The following SENP7 variants were observed in gnomAD, a reference collection of about 807,000 sequenced individuals.
SENP7 encodes the protein sentrin-specific protease 7.
In SENP7, 64 loss-of-function variants were observed where a neutral mutation model predicts 141.2. The ratio of observed to expected loss-of-function variants is 0.45; its 90% CI spans 0.37 to 0.56. SENP7 has a LOEUF of 0.56. Ranked by LOEUF, SENP7 falls within the 20% of genes least tolerant of loss-of-function variation. The pLI is 0.00. For synonymous variants in SENP7, 382 were observed against 426.4 expected (o/e 0.90, Z 1.28); for missense variants, 1,025 against 1,212.2 (o/e 0.85, Z 2.29).
intron 4 of SENP7, among the ~76,000 whole-genome samples, chr3:101,442,872 A>G (rs2062734520): frequency 6.6e-6 from 1 of 152,222 alleles, no homozygotes; most frequent in South Asian, 2.1e-4. Context: ...AATAAAGCCA[A>G]CAGGACACAT....
At position 101,447,318 on chromosome 3, in the gene SENP7, C is replaced by G. The variant is rs184588367; in HGVS notation, c.284+11637G>C. ...ATTGGCCAAGCGTGGTGGCATGCAC[C>G]GGTGGTCCCAGAGACTTGGAGGCTG... On this transcript the variant is annotated intron_variant, in intron 4 of 23. Transcript: ENST00000394095. Among the ~76,000 whole-genome samples, 135 of 152,100 alleles carry G rather than the reference C, an allele frequency of 8.9e-4. No individual in the cohort carries two copies. In the Middle Eastern group the frequency reaches 0.014, roughly 15 times the overall value.
At chr3:101,375,049 C>T (rs2060281865) in intron 6 of SENP7, among the ~76,000 whole-genome samples, 2 of 151,912 alleles carry the variant, frequency 1.3e-5, no homozygotes, top group Admixed American at 1.3e-4. Context: ...CAAGCCCAAA[C>T]AACAATATAC....
rs1553705938 is a variant in SENP7 at position 101,375,542 on chromosome 3, C to CAAAAAAAAAAAAAAAAAAAAAAAAAAAAA, written c.678-3417_678-3416insTTTTTTTTTTTTTTTTTTTTTTTTTTTTT. Reference sequence around the variant, plus strand: ...GGGCAACAAGAGCGAAATTCCATCTCCAAAAAAAAAAAAAAAAAAAAAAAA... The same window carrying CAAAAAAAAAAAAAAAAAAAAAAAAAAAAA: ...GGGCAACAAGAGCGAAATTCCATCTCAAAAAAAAAAAAAAAAAAAAAAAAAAAAACAAAAAAAAAAAAAAAAAAAAAAAA... On this transcript the variant is annotated intron_variant, in intron 6 of 23. Coordinates refer to ENST00000394095, the MANE Select transcript of SENP7 (RefSeq NM_020654.5). 7.8e-5 allele frequency among the ~76,000 whole-genome samples: 2 copies of CAAAAAAAAAAAAAAAAAAAAAAAAAAAAA among 25,510 alleles called. 1 individual carries two copies. The allele number at this position is 25,510 out of a possible 152,430, so 16.7% of individuals were successfully genotyped here.
chr3:101,512,737 C>T (rs890127313), intron 1 of SENP7, among the ~76,000 whole-genome samples: 16 of 151,948 alleles, frequency 1.1e-4, no homozygotes, highest in African/African-American at 1.7e-4. Flanking sequence ...GCTGAGAAGC[C>T]GAAATGAAAT....
At chr3:101,438,919 A>C (rs1427605828) in intron 4 of SENP7, among the ~76,000 whole-genome samples, 1 of 143,852 alleles carries the variant, frequency 7.0e-6, no homozygotes, top group Non-Finnish European at 1.5e-5. Flanking sequence ...TTGGCCTCCC[A>C]AAGTGCCGAG....
At chr3:101,493,051 G>A (rs1340519704) in intron 3 of SENP7, among the ~76,000 whole-genome samples, 1 of 152,146 alleles carries the variant, frequency 6.6e-6, no homozygotes, top group East Asian at 1.9e-4. Context: ...ATACACCACA[G>A]AATACTATGC....
chr3:101,453,608 T>G (rs1004338325), intron 4 of SENP7, among the ~76,000 whole-genome samples: 13 of 151,044 alleles, frequency 8.6e-5, no homozygotes, highest in African/African-American at 2.7e-4. Flanking sequence ...CAGTAAACTA[T>G]CGCAAGGACA....
chr3:101,513,115 G>C lies in SENP7; in HGVS notation c.16C>G (p.Leu6Val). MDKRK[L>V]GRRPSSSEII... Reference sequence around the variant, plus strand: ...CCGGATGAAGATGGCCGTCGCCCGAGCTTTCTCTTGTCCATCTTCTCCCGC... The same window carrying C: ...CCGGATGAAGATGGCCGTCGCCCGACCTTTCTCTTGTCCATCTTCTCCCGC... Residue 6 changes from leucine (L) to valine (V), a missense_variant, in exon 1 of 24, where the codon CTC (leucine) becomes GTC (valine). By Grantham distance (32) the Leu-to-Val change is conservative (BLOSUM62 1). Around this residue, in one of 4 missense-constraint regions of SENP7, gnomAD observed 496 missense variants for 503.5 expected, o/e 0.99. Transcript: ENST00000394095. The C allele has an allele frequency of 1.2e-6, 2 of 1,602,266 alleles. No homozygotes were observed. The highest frequency in any genetic ancestry group is 8.5e-7 in the Non-Finnish European group (1 of 1,174,098).
chr3:101,441,065 C>G (rs776486389), intron 4 of SENP7, among the ~76,000 whole-genome samples: 1 of 152,076 alleles, frequency 6.6e-6, no homozygotes, highest in South Asian at 2.1e-4. Context: ...CATCCAGGTG[C>G]CTAAAGACAA....
chr3:101,505,051 C>A (rs548812869), intron 1 of SENP7, among the ~76,000 whole-genome samples: 1 of 150,644 alleles, frequency 6.6e-6, no homozygotes, highest in African/African-American at 2.5e-5. Flanking sequence ...GACGACAGAG[C>A]GAAACCATTT....
rs141371097 is a variant in SENP7 at position 101,374,274 on chromosome 3, A to G, written c.678-2148T>C. 9.8e-5 allele frequency among the ~76,000 whole-genome samples: 15 copies of G among 152,324 alleles called. No individual in the cohort carries two copies. In the East Asian group the frequency reaches 2.9e-3, roughly 29 times the overall value. Reference sequence around the variant, plus strand: ...CATATGCAAAAGGAAGAAGTTGGACAGTTATCTAACACCATCTACAAAAAT... The same window carrying G: ...CATATGCAAAAGGAAGAAGTTGGACGGTTATCTAACACCATCTACAAAAAT... On this transcript the variant is annotated intron_variant, in intron 6 of 23. Coordinates refer to ENST00000394095, the MANE Select transcript of SENP7 (RefSeq NM_020654.5).
At chr3:101,386,339 C>G (rs1007844273) in intron 6 of SENP7, among the ~76,000 whole-genome samples, 1 of 152,122 alleles carries the variant, frequency 6.6e-6, no homozygotes, top group Non-Finnish European at 1.5e-5. Context: ...TCTTGTAATC[C>G]TAGGTAAAGG....
intron 2 of SENP7, among the ~76,000 whole-genome samples, chr3:101,496,306 T>C (rs900531822): frequency 6.6e-6 from 1 of 152,174 alleles, no homozygotes; most frequent in Non-Finnish European, 1.5e-5. Context: ...CCTAGGCTGG[T>C]GTGTAGTGAC....
intron 8 of SENP7, among the ~76,000 whole-genome samples, chr3:101,367,390 A>C (rs1461055953): frequency 6.6e-6 from 1 of 152,084 alleles, no homozygotes; most frequent in African/African-American, 2.4e-5. Context: ...ACTTAGAATA[A>C]ATTCCCTAAA....
intron 4 of SENP7, among the ~76,000 whole-genome samples, chr3:101,447,419 G>A (rs930106008): frequency 2.0e-5 from 3 of 151,954 alleles, no homozygotes; most frequent in African/African-American, 7.3e-5. Flanking sequence ...TCCAGTCCAC[G>A]CAACAGAACA....
intron 17 of SENP7, chr3:101,337,258 GC>G: frequency 4.0e-6 from 1 of 248,806 alleles, no homozygotes; most frequent in Non-Finnish European, 7.7e-6. Context: ...TTTCTTCCTT[GC>G]CCTCCAACTT....
At chr3:101,450,361 A>C (rs2063079767) in intron 4 of SENP7, among the ~76,000 whole-genome samples, 1 of 152,200 alleles carries the variant, frequency 6.6e-6, no homozygotes, top group Non-Finnish European at 1.5e-5. Context: ...CACCAAGCAG[A>C]CCTAATAGAC....
chr3:101,513,138 C>G lies in SENP7; in HGVS notation c.-8G>C. 1 of 1,607,554 alleles carries G rather than the reference C, an allele frequency of 6.2e-7. No homozygotes were observed. Among genetic ancestry groups the G allele is most frequent in the Non-Finnish European group, 8.5e-7 (1 of 1,176,994 alleles). ...GAGCTTTCTCTTGTCCATCTTCTCC[C>G]GCTGCTGAAATTTCAGTTGCAGGCG... On this transcript the variant is annotated 5_prime_UTR_variant, in exon 1 of 24. Coordinates refer to ENST00000394095, the MANE Select transcript of SENP7 (RefSeq NM_020654.5).
At chr3:101,411,843 C>T (rs2061465601) in intron 5 of SENP7, among the ~76,000 whole-genome samples, 1 of 152,072 alleles carries the variant, frequency 6.6e-6, no homozygotes, top group Non-Finnish European at 1.5e-5. Context: ...ACTATGAAAT[C>T]CCACTTCGAA....
Sources: gnomAD v4.1 joint callset for allele counts (sites outside exome capture counted in the v4.1 genomes callset) on GRCh38, gnomAD v4.1.1 for gene constraint, gnomAD v4.1.1 regional missense constraint, MANE v1.5 for transcripts, NCBI Gene and HGNC (gene_info 2026-07-23, HGNC 2026-07-21) for gene names.